Variants in SHC3 observed in about 807,000 individuals in gnomAD.
SHC3 encodes the protein SHC-transforming protein 3.
SHC3 carries 15 observed loss-of-function variants against 60.4 expected under a neutral mutation model. That is an observed-to-expected ratio of 0.25 (90% CI 0.17 to 0.38). The LOEUF (loss-of-function observed/expected upper bound fraction) is 0.38, where lower values mean the gene tolerates loss of function less well. Among genes scored for constraint, SHC3 ranks in the 10% least tolerant of loss-of-function variants. The pLI, the probability that SHC3 is intolerant of heterozygous loss-of-function variation, is 1.00. For synonymous variants in SHC3, 294 were observed against 325.9 expected (o/e 0.90, Z 1.05); for missense variants, 677 against 786.1 (o/e 0.86, Z 1.66).
Position 89,065,551 on chromosome 9 carries a change from A to G in SHC3, c.813T>C (p.Ala271=). 1 of 1,614,232 alleles carries G rather than the reference A, an allele frequency of 6.2e-7. No individual in the cohort carries two copies. The highest frequency in any genetic ancestry group is 8.5e-7 in the Non-Finnish European group (1 of 1,180,038). The change falls in exon 6 of 12, where the codon GCT becomes GCC. Residue 271 remains alanine (A), a synonymous_variant. Transcript: ENST00000375835. The stretch of plus-strand genomic sequence containing the variant: ...TACCTCTGCGATTAACAGGGTCCTT[A>G]GCCACATATGCAACATAGTCAGTTG... ...PDTTDYVAYV[A]KDPVNRRACH...
At chr9:89,048,594 T>C (rs185932620) in intron 7 of SHC3, among the ~76,000 whole-genome samples, 40 of 152,278 alleles carry the variant, frequency 2.6e-4, no homozygotes, top group African/African-American at 8.4e-4. Flanking sequence ...ATGGTGATAA[T>C]TGTACTTTTG....
intron 2 of SHC3, among the ~76,000 whole-genome samples, chr9:89,090,556 CA>C (rs1289862962): frequency 6.6e-6 from 1 of 152,176 alleles, no homozygotes; most frequent in Non-Finnish European, 1.5e-5. Context: ...AGGCTTCCCC[CA>C]GGAGGTGAGG....
chr9:89,037,903 G>A, intron 11 of SHC3, 90 bp downstream of exon 11: 1 of 1,484,608 alleles, frequency 6.7e-7, no homozygotes, highest in Non-Finnish European at 9.1e-7. Flanking sequence ...ATAGAGGTGG[G>A]AATGTGGAGG....
At chr9:89,076,384 C>A (rs985648375) in intron 3 of SHC3, among the ~76,000 whole-genome samples, 6 of 152,244 alleles carry the variant, frequency 3.9e-5, no homozygotes, top group African/African-American at 1.4e-4. Flanking sequence ...CAGAGCCACA[C>A]ATGCAGCTGC....
At chr9:89,110,065 T>A (rs1161921961) in intron 2 of SHC3, 13 of 985,270 alleles carry the variant, frequency 1.3e-5, no homozygotes, top group Non-Finnish European at 1.6e-5. Context: ...GCCAATACAC[T>A]GAAAAAGAAC....
intron 7 of SHC3, among the ~76,000 whole-genome samples, chr9:89,049,488 G>A (rs1252807010): frequency 6.6e-6 from 1 of 152,080 alleles, no homozygotes; most frequent in Non-Finnish European, 1.5e-5. Flanking sequence ...TCATTTTTGT[G>A]TGTATTATCT....
chr9:89,036,538 G>A (rs1824581607), intron 11 of SHC3, among the ~76,000 whole-genome samples: 4 of 152,180 alleles, frequency 2.6e-5, no homozygotes, highest in African/African-American at 9.7e-5. Context: ...ATGCGTGAGA[G>A]TTTGTAGCAG....
At chr9:89,091,785 C>A (rs191471571) in intron 2 of SHC3, among the ~76,000 whole-genome samples, 1 of 152,288 alleles carries the variant, frequency 6.6e-6, no homozygotes, top group Non-Finnish European at 1.5e-5. Context: ...TCTGGCCAGC[C>A]CCTGGAGACC....
intron 2 of SHC3, among the ~76,000 whole-genome samples, chr9:89,098,727 C>T (rs558572680): frequency 6.8e-4 from 103 of 152,018 alleles, no homozygotes; most frequent in African/African-American, 1.4e-3. Context: ...AGGAGAACAG[C>T]GTGAACCTGG....
At chr9:89,062,958 T>G (rs73498140) in intron 6 of SHC3, among the ~76,000 whole-genome samples, 4 of 152,144 alleles carry the variant, frequency 2.6e-5, no homozygotes, top group African/African-American at 9.7e-5. Flanking sequence ...ATAGCTGGGC[T>G]GCTGGAGGGA....
chr9:89,053,533 C>T (rs1824897221), intron 6 of SHC3, among the ~76,000 whole-genome samples: 2 of 152,264 alleles, frequency 1.3e-5, no homozygotes, highest in South Asian at 4.1e-4. Context: ...TCCTTCTCTC[C>T]CAGACTCCAG....
chr9:89,052,955 C>T (rs1824884952), intron 6 of SHC3, among the ~76,000 whole-genome samples: 1 of 152,142 alleles, frequency 6.6e-6, no homozygotes, highest in South Asian at 2.1e-4. Context: ...AGTGGCAAGG[C>T]TGCAGGATTA....
chr9:89,154,128 C>T (rs1826587399), intron 1 of SHC3, among the ~76,000 whole-genome samples: 1 of 152,178 alleles, frequency 6.6e-6, no homozygotes, highest in African/African-American at 2.4e-5. Flanking sequence ...ATAGTGGTTA[C>T]CCCTGGGAGG....
At chr9:89,037,469 G>T (rs993843416) in intron 11 of SHC3, 1 of 704,058 alleles carries the variant, frequency 1.4e-6, no homozygotes, top group Non-Finnish European at 2.6e-6. Context: ...AAACCTACGG[G>T]ATTATTCAGA....
intron 2 of SHC3, among the ~76,000 whole-genome samples, chr9:89,099,524 C>A: frequency 6.6e-6 from 1 of 152,268 alleles, no homozygotes. Flanking sequence ...AGCCACTGAA[C>A]CCTATCCTGC....
intron 7 of SHC3, among the ~76,000 whole-genome samples, chr9:89,047,620 G>A (rs1824795223): frequency 6.6e-6 from 1 of 152,104 alleles, no homozygotes; most frequent in Non-Finnish European, 1.5e-5. Context: ...TACACAAAAA[G>A]CCAATACATG....
At chr9:89,015,852 C>G (rs1457740874) in intron 11 of SHC3, among the ~76,000 whole-genome samples, 1 of 152,146 alleles carries the variant, frequency 6.6e-6, no homozygotes, top group Non-Finnish European at 1.5e-5. Context: ...AAGATGAAAG[C>G]CTTCATTCTA....
chr9:89,039,257 A>C (rs1365472970), intron 10 of SHC3, among the ~76,000 whole-genome samples: 2 of 152,236 alleles, frequency 1.3e-5, no homozygotes, highest in African/African-American at 4.8e-5. Context: ...CTCCTAGCAC[A>C]CAGTTCATTC....
intron 1 of SHC3, among the ~76,000 whole-genome samples, chr9:89,115,101 CAGAGT>C (rs1314424412): frequency 6.6e-6 from 1 of 152,132 alleles, no homozygotes; most frequent in Non-Finnish European, 1.5e-5. Context: ...TCATGACCAC[CAGAGT>C]AGAGTACCAC....
Sources: gnomAD v4.1 joint callset for allele counts (sites outside exome capture counted in the v4.1 genomes callset) on GRCh38, gnomAD v4.1.1 for gene constraint, MANE v1.5 for transcripts, NCBI Gene and HGNC (gene_info 2026-07-23, HGNC 2026-07-21) for gene names.